The following BPTF variants were observed in gnomAD, a reference collection of about 807,000 sequenced individuals.
The protein encoded by BPTF is bromodomain PHD finger transcription factor, also known as nucleosome-remodeling factor subunit BPTF.
Under a neutral mutation model 292.5 loss-of-function variants are expected in BPTF, and 18 were observed. The ratio of observed to expected loss-of-function variants is 0.06; its 90% confidence interval spans 0.04 to 0.09. The LOEUF is 0.09. BPTF is among the 10% of genes least tolerant of loss of function. The pLI, the probability that BPTF is intolerant of heterozygous loss-of-function variation, is 1.00. For missense variants in BPTF, 2,726 were observed against 3,498.7 expected, an observed-to-expected ratio of 0.78 and a Z score of 5.57; for synonymous variants, 1,225 against 1,251.9, an observed-to-expected ratio of 0.98 and a Z score of 0.45.
Position 67,894,035 on chromosome 17 carries a change from G to T in BPTF, c.2413G>T (p.Ala805Ser). The T allele has an allele frequency of 6.2e-7, 1 of 1,612,770 alleles. No individual in the cohort carries two copies. Among genetic ancestry groups the T allele is most frequent in the Non-Finnish European group, 8.5e-7 (1 of 1,179,094 alleles). The change falls in exon 7 of 28, where the codon GCA becomes TCA. Residue 805 changes from alanine to serine, a missense_variant and splice_region_variant. Around this residue, in one of 22 missense-constraint regions of BPTF, gnomAD observed 99 missense variants for 227.1 expected, o/e 0.44. Coordinates refer to ENST00000306378, the MANE Select transcript of BPTF (RefSeq NM_182641.4). ...TCTCTCATTTCTTCTGAAATACAGG[G>T]CAAATTGGATCAAGGCAGTTCAGAT... is the stretch of plus-strand genomic sequence containing the variant. ...FLHPNWASHR[A>S]NWIKAVQMCS...
chr17:67,909,270 C>T (rs1209121403), intron 9 of BPTF, among the ~76,000 whole-genome samples: 15 of 82,210 alleles, frequency 1.8e-4, no homozygotes, highest in South Asian at 1.5e-3. Flanking sequence ...GCACCAGGTC[C>T]CCCCCCCCCT....
chr17:67,874,147 T>A (rs906052157), intron 3 of BPTF, among the ~76,000 whole-genome samples: 4 of 152,192 alleles, frequency 2.6e-5, no homozygotes, highest in African/African-American at 9.7e-5. Context: ...ATAATTAATA[T>A]CCATGAGTGC....
chr17:67,894,966 A>G lies in BPTF; in HGVS notation c.2543+801A>G, dbSNP rs1175903425. Among the ~76,000 whole-genome samples the G allele has an allele frequency of 2.6e-5, 4 of 152,360 alleles. No homozygotes were observed. In the East Asian group the frequency reaches 5.8e-4, roughly 22 times the overall value. On this transcript the variant is annotated intron_variant, in intron 7 of 27. Coordinates refer to ENST00000306378, the MANE Select transcript of BPTF (RefSeq NM_182641.4). Reference sequence around the variant, plus strand: ...TTGTAACTTTAGTCTTTAAAAAGTTATTATTACAAAACTAAGGTTATGGTA... The same window carrying G: ...TTGTAACTTTAGTCTTTAAAAAGTTGTTATTACAAAACTAAGGTTATGGTA...
chr17:67,889,236 A>C (rs926980929), intron 4 of BPTF, among the ~76,000 whole-genome samples: 1 of 152,120 alleles, frequency 6.6e-6, no homozygotes, highest in Non-Finnish European at 1.5e-5. Context: ...CCCTCAGTTT[A>C]GTTCTTTTTC....
At chr17:67,850,665 C>T (rs1167759422) in intron 1 of BPTF, among the ~76,000 whole-genome samples, 4 of 152,096 alleles carry the variant, frequency 2.6e-5, no homozygotes, top group Admixed American at 2.6e-4. Context: ...CTGTACCTGG[C>T]CCTGTGTTTT....
In BPTF at chr17:67,843,634, A is replaced by G. The variant is rs1354427674; in HGVS notation, c.614-10306A>G. Among the ~76,000 whole-genome samples the G allele has an allele frequency of 1.3e-5, 2 of 149,982 alleles. 1 individual carries two copies. The highest frequency in any genetic ancestry group is 3.9e-4 in the East Asian group (2 of 5,158). On this transcript the variant is annotated intron_variant, in intron 1 of 27. Coordinates refer to ENST00000306378, the MANE Select transcript of BPTF (RefSeq NM_182641.4). The stretch of plus-strand genomic sequence containing the variant: ...AATATCTGTATATATCTAGATATAT[A>G]TACAGAAAAGCTTAGTTAATGTCTC...
In BPTF at chr17:67,940,486, T is replaced by G; in HGVS notation, c.6307T>G (p.Ser2103Ala). 1.2e-6 allele frequency: 2 copies of G among 1,614,122 alleles called. No homozygotes were observed. The highest frequency in any genetic ancestry group is 1.7e-6 in the Non-Finnish European group (2 of 1,180,028). The change falls in exon 19 of 28, where the codon TCC becomes GCC. Residue 2103 changes from serine to alanine, a missense_variant. Around this residue, in one of 22 missense-constraint regions of BPTF, gnomAD observed 570 missense variants for 633.5 expected, o/e 0.90. Transcript: ENST00000306378. The part of the protein sequence containing the change: ...MTQIIRGQPV[S>A]TAVSAPNTVS... ...TCAAATCATCAGGGGGCAGCCTGTC[T>G]CCACTGCAGTCTCCGCCCCTAACAC... is the stretch of plus-strand genomic sequence containing the variant.
intron 26 of BPTF, among the ~76,000 whole-genome samples, chr17:67,966,952 T>A (rs1416700635): frequency 6.6e-6 from 1 of 151,216 alleles, no homozygotes; most frequent in Non-Finnish European, 1.5e-5. Flanking sequence ...ATACAAAAAT[T>A]AGCTGGGCAT....
rs1263730934 is a variant in BPTF at position 67,911,645 on chromosome 17, A to C, written c.3761A>C (p.His1254Pro). The change falls in exon 11 of 28, where the codon CAT becomes CCT. Residue 1254 changes from histidine (H) to proline (P), a missense_variant. Coordinates refer to ENST00000306378, the MANE Select transcript of BPTF (RefSeq NM_182641.4). The stretch of plus-strand genomic sequence containing the variant: ...GTTTCTTCTTCCAAGAGTGCTTTAC[A>C]TTCATCAGTGCCTAAAAGTACCAAT... ...TIVSSSKSALHSSVPKSTNDR... is the reference protein window; with the variant it reads ...TIVSSSKSALPSSVPKSTNDR... The C allele has an allele frequency of 6.2e-7, 1 of 1,614,214 alleles. No homozygotes were observed. The highest frequency in any genetic ancestry group is 1.1e-5 in the South Asian group (1 of 91,078).
rs534953735 is a variant in BPTF at position 67,886,331 on chromosome 17, C to T, written c.1865-5513C>T. On this transcript the variant is annotated intron_variant, in intron 4 of 27. Transcript: ENST00000306378. ...GGAAGAGATAGGTAAGAATATACTTCATCCATTCCTTTAAAGGGAAGTTTT... is the reference window on the plus strand; with the variant it reads ...GGAAGAGATAGGTAAGAATATACTTTATCCATTCCTTTAAAGGGAAGTTTT... The T allele has an allele frequency of 2.2e-5, 34 of 1,520,684 alleles. 1 individual carries two copies. In the South Asian group the frequency reaches 4.0e-4, roughly 18 times the overall value. 94.2% of individuals were successfully genotyped at this position (1,520,684 alleles called of 1,614,324 possible).
In BPTF at chr17:67,838,581, A is replaced by G. The variant is rs148325405; in HGVS notation, c.613+12244A>G. On this transcript the variant is annotated intron_variant, in intron 1 of 27. Transcript: ENST00000306378. ...AACCTCCACCTCTTAGGTTCAGGTG[A>G]TTCTCTTGCCTCAGCCTCCAGAGTA... Among the ~76,000 whole-genome samples the G allele has an allele frequency of 2.4e-4, 36 of 152,236 alleles. No homozygotes were observed. In the East Asian group the frequency reaches 5.4e-3, roughly 23 times the overall value.
In BPTF at chr17:67,962,290, G is replaced by A. The variant is rs139171539; in HGVS notation, c.8262-1922G>A. 1.6e-3 allele frequency among the ~76,000 whole-genome samples: 249 copies of A among 152,338 alleles called. 1 individual carries two copies. Among genetic ancestry groups the A allele is most frequent in the African/African-American group, 5.6e-3 (234 of 41,584 alleles). On this transcript the variant is annotated intron_variant, in intron 24 of 27. Transcript: ENST00000306378. ...GAAATGCCTTGGTAGAACTAAGAGTGCCAATGGTATCAGCAAGGCCAGTCT... is the reference window on the plus strand; with the variant it reads ...GAAATGCCTTGGTAGAACTAAGAGTACCAATGGTATCAGCAAGGCCAGTCT...
intron 23 of BPTF, among the ~76,000 whole-genome samples, chr17:67,953,458 A>G (rs1288679551): frequency 6.9e-6 from 1 of 144,354 alleles, no homozygotes; most frequent in Non-Finnish European, 1.5e-5. Context: ...GGGTTTTGCC[A>G]TGTTGGCCAG....
chr17:67,952,568 G>A (rs1555678941), intron 23 of BPTF, among the ~76,000 whole-genome samples: 1 of 151,994 alleles, frequency 6.6e-6, no homozygotes, highest in Admixed American at 6.6e-5. Context: ...CAGCCAATAG[G>A]CTTAATTTTT....
rs1474686912 is a variant in BPTF at position 67,911,682 on chromosome 17, C to T, written c.3798C>T (p.Ala1266=). Residue 1266 remains alanine (A), a synonymous_variant, in exon 11 of 28, where the codon GCC becomes GCT. Coordinates refer to ENST00000306378, the MANE Select transcript of BPTF (RefSeq NM_182641.4). ...CTAAAAGTACCAATGACAGAGATGC[C>T]ACACCTCTGTCAAGAGCAATGGACT... ...SVPKSTNDRD[A]TPLSRAMDFE... 1 of 1,614,068 alleles carries T rather than the reference C, an allele frequency of 6.2e-7. No homozygotes were observed. Among genetic ancestry groups the T allele is most frequent in the Non-Finnish European group, 8.5e-7 (1 of 1,180,016 alleles).
At position 67,932,732 on chromosome 17, in the gene BPTF, A is replaced by AT. The variant is rs1009560386; in HGVS notation, c.6259+722dup. 9.0e-4 allele frequency among the ~76,000 whole-genome samples: 136 copies of AT among 151,754 alleles called. 1 individual carries two copies. The highest frequency in any genetic ancestry group is 3.0e-3 in the African/African-American group (123 of 41,394). On this transcript the variant is annotated intron_variant, in intron 18 of 27. Transcript: ENST00000306378. ...GAAAAAAAAGTTGAAAATGTTAAAG[A>AT]TTTTTTTTTAAACCCTATACATTTA... is the stretch of plus-strand genomic sequence containing the variant.
intron 7 of BPTF, among the ~76,000 whole-genome samples, chr17:67,900,452 C>A (rs1435063690): frequency 6.6e-6 from 1 of 151,860 alleles, no homozygotes; most frequent in Non-Finnish European, 1.5e-5. Context: ...ATCTTTAGGC[C>A]AGGTGTGGTG....
At chr17:67,941,942 T>C (rs1226441136) in intron 19 of BPTF, among the ~76,000 whole-genome samples, 1 of 151,900 alleles carries the variant, frequency 6.6e-6, no homozygotes, top group African/African-American at 2.4e-5. Context: ...CTATTACATA[T>C]CCAGAATATA....
intron 4 of BPTF, among the ~76,000 whole-genome samples, chr17:67,881,102 T>TA (rs945150513): frequency 3.3e-5 from 5 of 152,042 alleles, no homozygotes; most frequent in Non-Finnish European, 7.4e-5. Flanking sequence ...AATTGTAGTA[T>TA]AAAAAATGAT....
Sources: gnomAD v4.1 joint callset for allele counts (sites outside exome capture counted in the v4.1 genomes callset) on GRCh38, gnomAD v4.1.1 for gene constraint, gnomAD v4.1.1 regional missense constraint, MANE v1.5 for transcripts, NCBI Gene and HGNC (gene_info 2026-07-23, HGNC 2026-07-21) for gene names.